Variants in IL1RL1 observed in about 807,000 individuals in gnomAD.
IL1RL1 encodes interleukin-1 receptor-like 1.
In IL1RL1, 32 loss-of-function variants were observed where a neutral mutation model predicts 50.9. That is an observed-to-expected ratio of 0.63 (90% CI 0.47 to 0.84). The LOEUF (loss-of-function observed/expected upper bound fraction) is 0.84. Ranked by LOEUF, IL1RL1 falls within the 40% of genes least tolerant of loss-of-function variation. The probability of loss-of-function intolerance (pLI) is 0.00; values close to 1 mark genes in which losing one functional copy is unlikely to be tolerated. For missense variants in IL1RL1, 773 were observed against 662.9 expected (o/e 1.17, Z -1.82); for synonymous variants, 275 against 236.0 (o/e 1.17, Z -1.51).
At chr2:102,348,322 G>A (rs111676694) in intron 9 of IL1RL1, among the ~76,000 whole-genome samples, 13 of 152,218 alleles carry the variant, frequency 8.5e-5, no homozygotes, top group African/African-American at 2.6e-4. Flanking sequence ...TTTCTTCCCC[G>A]ATAGGATTGC....
chr2:102,345,781 TG>T, intron 8 of IL1RL1: 1 of 985,468 alleles, frequency 1.0e-6, no homozygotes, highest in African/African-American at 1.7e-5. Context: ...CAGTGATAAG[TG>T]TGGCACCCCA....
intron 8 of IL1RL1, 94 bp downstream of exon 8, chr2:102,343,509 G>T: frequency 6.2e-7 from 1 of 1,607,212 alleles, no homozygotes; most frequent in South Asian, 1.1e-5. Context: ...TCAAGACAAT[G>T]GGAATGGCCT....
chr2:102,325,423 G>A (rs922479044), intron 1 of IL1RL1, among the ~76,000 whole-genome samples: 1 of 152,110 alleles, frequency 6.6e-6, no homozygotes, highest in African/African-American at 2.4e-5. Context: ...AGAAAAACTG[G>A]AAACTCTAAA....
intron 1 of IL1RL1, among the ~76,000 whole-genome samples, chr2:102,330,055 C>A (rs899412056): frequency 6.6e-6 from 1 of 152,178 alleles, no homozygotes; most frequent in Non-Finnish European, 1.5e-5. Context: ...TTTATAGCGG[C>A]ACTATTCACA....
intron 1 of IL1RL1, among the ~76,000 whole-genome samples, chr2:102,328,096 A>G (rs1054547051): frequency 6.6e-6 from 1 of 152,212 alleles, no homozygotes; most frequent in Non-Finnish European, 1.5e-5. Context: ...CATTGATGCA[A>G]AAATCCTCAA....
intron 1 of IL1RL1, among the ~76,000 whole-genome samples, chr2:102,331,991 C>G (rs1251711242): frequency 1.3e-5 from 2 of 152,096 alleles, no homozygotes; most frequent in Non-Finnish European, 2.9e-5. Flanking sequence ...TCACCTGAGC[C>G]TGGGAGGTGG....
At chr2:102,334,793 A>G (rs1293791355) in intron 1 of IL1RL1, among the ~76,000 whole-genome samples, 3 of 152,218 alleles carry the variant, frequency 2.0e-5, no homozygotes, top group Non-Finnish European at 4.4e-5. Flanking sequence ...GCTAAGTCAA[A>G]TGAAGAAGTC....
intron 1 of IL1RL1, among the ~76,000 whole-genome samples, chr2:102,324,883 C>A (rs1431974702): frequency 6.6e-6 from 1 of 152,216 alleles, no homozygotes; most frequent in Non-Finnish European, 1.5e-5. Flanking sequence ...CCCACTGCAG[C>A]TCAAGGAGGC....
chr2:102,312,864 A>G (rs746649394), intron 1 of IL1RL1: 3 of 152,116 alleles, frequency 2.0e-5, no homozygotes, highest in Admixed American at 6.6e-5. Flanking sequence ...CTGGCCCCCA[A>G]AGCTTTATCC....
Position 102,347,998 on chromosome 2 carries a change from C to A in IL1RL1, c.1024C>A (p.Leu342Ile). The part of the protein sequence containing the change: ...IIAVCSVFLM[L>I]INVLVIILKM... ...TGCAGTATGTAGTGTATTTTTAATG[C>A]TAATCAATGTCCTGGTTATCATCCT... The change falls in exon 9 of 11, where the codon CTA (leucine) becomes ATA (isoleucine). Residue 342 changes from leucine (L) to isoleucine (I), a missense_variant. By Grantham distance (5) the Leu-to-Ile change is conservative. Coordinates refer to ENST00000233954, the MANE Select transcript of IL1RL1 (RefSeq NM_016232.5). 1 of 1,575,592 alleles carries A rather than the reference C, an allele frequency of 6.3e-7. No homozygotes were observed. Among genetic ancestry groups the A allele is most frequent in the East Asian group, 2.2e-5 (1 of 44,650 alleles).
In IL1RL1 at chr2:102,346,112, T is replaced by C. The variant is rs928729463; in HGVS notation, c.971-1833T>C. 4.3e-6 allele frequency: 4 copies of C among 935,270 alleles called. No individual in the cohort carries two copies. The African/African-American group carries it at 5.3e-5, about 12-fold the overall frequency. 57.9% of individuals were successfully genotyped at this position (935,270 alleles called of 1,614,324 possible). ...TATTACTACTGCTATTGAGTTGTCA[T>C]GATGAATTCTTTTTTATTTCTGAAA... is the stretch of plus-strand genomic sequence containing the variant. On this transcript the variant is annotated intron_variant, in intron 8 of 10. Coordinates refer to ENST00000233954, the MANE Select transcript of IL1RL1 (RefSeq NM_016232.5).
At chr2:102,343,771 T>C (rs1677676274) in intron 8 of IL1RL1, 1 of 1,149,058 alleles carries the variant, frequency 8.7e-7, no homozygotes, top group East Asian at 4.9e-5. Context: ...TGTTCTTTTG[T>C]GCTCTTTTAT....
intron 1 of IL1RL1, among the ~76,000 whole-genome samples, chr2:102,312,112 A>G (rs1393150779): frequency 1.9e-5 from 2 of 107,118 alleles, no homozygotes; most frequent in South Asian, 2.4e-4. Context: ...TATAATATAT[A>G]TAATATTATA....
intron 9 of IL1RL1, 130 bp from the exon 10 acceptor site, chr2:102,348,949 G>A (rs922597892): frequency 2.3e-5 from 15 of 666,290 alleles, no homozygotes; most frequent in African/African-American, 2.0e-4. Flanking sequence ...CATCTCTTGA[G>A]TCTAGAATAT....
intron 1 of IL1RL1, among the ~76,000 whole-genome samples, chr2:102,325,102 A>C (rs1676956968): frequency 6.6e-6 from 1 of 152,074 alleles, no homozygotes; most frequent in African/African-American, 2.4e-5. Context: ...GGCACCCCCC[A>C]GTAGGGGGCA....
intron 1 of IL1RL1, chr2:102,337,405 C>T (rs987155027): frequency 6.6e-6 from 1 of 152,206 alleles, no homozygotes; most frequent in Admixed American, 6.6e-5. Flanking sequence ...TTGTGTTTAT[C>T]TTTATGTTAG....
chr2:102,337,415 G>A (rs1263160010), intron 1 of IL1RL1: 1 of 152,300 alleles, frequency 6.6e-6, no homozygotes, highest in East Asian at 1.9e-4. Context: ...CTTTATGTTA[G>A]TAAATTTCTA....
At chr2:102,335,437 C>T (rs1677294329) in intron 1 of IL1RL1, among the ~76,000 whole-genome samples, 1 of 152,170 alleles carries the variant, frequency 6.6e-6, no homozygotes, top group Admixed American at 6.5e-5. Flanking sequence ...CAACCCCAGC[C>T]ACAACTGGGT....
intron 3 of IL1RL1, 158 bp downstream of exon 3, chr2:102,339,205 G>A (rs1677449778): frequency 3.3e-6 from 2 of 606,528 alleles, no homozygotes; most frequent in Non-Finnish European, 5.9e-6. Context: ...TAAACTTCTA[G>A]GAATACTATC....
Sources: gnomAD v4.1 joint callset for allele counts (sites outside exome capture counted in the v4.1 genomes callset) on GRCh38, gnomAD v4.1.1 for gene constraint, MANE v1.5 for transcripts, NCBI Gene and HGNC (gene_info 2026-07-23, HGNC 2026-07-21) for gene names.